The following RAI14 variants were observed in gnomAD, a reference collection of about 807,000 sequenced individuals.
RAI14 encodes the protein retinoic acid induced 14, also known as ankycorbin.
In RAI14, 45 loss-of-function variants were observed where a neutral mutation model predicts 115.4. That is an observed-to-expected ratio of 0.39 (90% CI 0.31 to 0.50). The LOEUF is 0.50. Ranked by LOEUF, RAI14 falls within the 20% of genes least tolerant of loss-of-function variation. The pLI is 0.85. For missense variants in RAI14, 939 were observed against 1,131.2 expected (o/e 0.83, Z 2.44); for synonymous variants, 371 against 415.4 (o/e 0.89, Z 1.30).
intron 2 of RAI14, chr5:34,687,461 G>C: frequency 2.1e-6 from 2 of 951,670 alleles, no homozygotes; most frequent in South Asian, 3.0e-5. Context: ...CCAGGGACTC[G>C]TACTCATTTG....
At chr5:34,829,973 G>A (rs1757857372) in intron 17 of RAI14, 176 bp downstream of exon 17, 1 of 556,852 alleles carries the variant, frequency 1.8e-6, no homozygotes, top group Non-Finnish European at 3.1e-6. Context: ...GGAGCCTTGT[G>A]CCCTGTTTAC....
intron 12 of RAI14, among the ~76,000 whole-genome samples, chr5:34,816,421 T>G (rs1231318116): frequency 6.6e-6 from 1 of 152,208 alleles, no homozygotes; most frequent in Middle Eastern, 3.2e-3. Context: ...ATTTTTTTCC[T>G]GACTATAAAA....
intron 13 of RAI14, 26 bp from the exon 14 acceptor site, chr5:34,821,706 T>G (rs1386423978): frequency 3.0e-6 from 4 of 1,315,924 alleles, no homozygotes; most frequent in Non-Finnish European, 4.4e-6. Context: ...TTGTTTTATA[T>G]TTTAAATGGC....
intron 1 of RAI14, among the ~76,000 whole-genome samples, chr5:34,674,897 A>ATT (rs35952675): frequency 4.8e-4 from 63 of 130,368 alleles, no homozygotes; most frequent in Admixed American, 1.4e-3. Context: ...ACTTCATTGG[A>ATT]TTTTTTTTTT....
chr5:34,735,308 A>G (rs1287337408), intron 2 of RAI14, among the ~76,000 whole-genome samples: 1 of 152,214 alleles, frequency 6.6e-6, no homozygotes, highest in Non-Finnish European at 1.5e-5. Flanking sequence ...TCTTGTTTAT[A>G]TATGCAAAAG....
rs35509803 is a variant in RAI14 at position 34,757,578 on chromosome 5, C to T, written c.147C>T (p.His49=). The part of the protein sequence containing the change: ...LGKKGASATK[H]DSEGKTAFHL... ...AGAAGGGGGCCAGTGCCACCAAACA[C>T]GACAGTGAGGGCAAGACCGCGTAAG... is the stretch of plus-strand genomic sequence containing the variant. Residue 49 remains histidine, a synonymous_variant, in exon 3 of 18, where the codon CAC becomes CAT. Transcript: ENST00000265109. 3.3e-5 allele frequency: 54 copies of T among 1,612,990 alleles called. No homozygotes were observed. Among genetic ancestry groups the T allele is most frequent in the African/African-American group, 1.9e-4 (14 of 74,916 alleles).
chr5:34,830,218 A>G (rs1757888350), intron 17 of RAI14, among the ~76,000 whole-genome samples: 1 of 152,090 alleles, frequency 6.6e-6, no homozygotes, highest in Admixed American at 6.5e-5. Context: ...TCCTGAGCTC[A>G]AGCAATCCAC....
chr5:34,802,809 G>C (rs1754434056), intron 4 of RAI14, among the ~76,000 whole-genome samples: 1 of 152,166 alleles, frequency 6.6e-6, no homozygotes, highest in African/African-American at 2.4e-5. Flanking sequence ...GGAGAAATTG[G>C]AATTTGAAAC....
intron 1 of RAI14, among the ~76,000 whole-genome samples, chr5:34,668,796 C>T (rs967478831): frequency 1.3e-5 from 2 of 152,126 alleles, no homozygotes; most frequent in African/African-American, 4.8e-5. Flanking sequence ...AAACTCATGT[C>T]TGCCGCTAAC....
At chr5:34,751,090 A>G (rs1206884351) in intron 2 of RAI14, among the ~76,000 whole-genome samples, 1 of 149,970 alleles carries the variant, frequency 6.7e-6, no homozygotes, top group Non-Finnish European at 1.5e-5. Context: ...AACTCAGGTG[A>G]TCCGCCTGCC....
chr5:34,769,543 A>C (rs966864694), intron 3 of RAI14, among the ~76,000 whole-genome samples: 1 of 152,190 alleles, frequency 6.6e-6, no homozygotes, highest in African/African-American at 2.4e-5. Context: ...TAGATATTGC[A>C]GCAAATGAGT....
At position 34,660,579 on chromosome 5, in the gene RAI14, C is replaced by T. The variant is rs116088044; in HGVS notation, c.-49+4104C>T. 5.6e-3 allele frequency among the ~76,000 whole-genome samples: 859 copies of T among 152,294 alleles called. 5 individuals are homozygous for T. Among genetic ancestry groups the T allele is most frequent in the African/African-American group, 0.02 (823 of 41,562 alleles). On this transcript the variant is annotated intron_variant, in intron 1 of 17. Transcript: ENST00000265109. ...TGTGACCTTGGATTACTCACCCAAC[C>T]TCCTCTTCCTCATTTCTTTGGTAAG...
At chr5:34,751,631 T>C (rs1453105152) in intron 2 of RAI14, among the ~76,000 whole-genome samples, 3 of 152,230 alleles carry the variant, frequency 2.0e-5, no homozygotes, top group Non-Finnish European at 2.9e-5. Context: ...TTCATTGCTG[T>C]GTGTTATTCT....
chr5:34,715,467 T>C (rs943641812), intron 2 of RAI14, among the ~76,000 whole-genome samples: 3 of 152,160 alleles, frequency 2.0e-5, no homozygotes, highest in African/African-American at 7.2e-5. Flanking sequence ...TTCTTTTTAC[T>C]AGTCATGTGA....
chr5:34,790,916 A>G (rs1752851966), intron 3 of RAI14, among the ~76,000 whole-genome samples: 1 of 152,086 alleles, frequency 6.6e-6, no homozygotes, highest in African/African-American at 2.4e-5. Flanking sequence ...ATTCTAGCAT[A>G]TACTTCAATG....
chr5:34,668,945 C>T (rs1357328154), intron 1 of RAI14, among the ~76,000 whole-genome samples: 1 of 152,200 alleles, frequency 6.6e-6, no homozygotes, highest in Non-Finnish European at 1.5e-5. Context: ...CAACCTCTGC[C>T]TCTCAGGTTT....
chr5:34,721,332 T>C (rs1742726571), intron 2 of RAI14, among the ~76,000 whole-genome samples: 1 of 148,404 alleles, frequency 6.7e-6, no homozygotes, highest in South Asian at 2.1e-4. Flanking sequence ...TATAGATGTG[T>C]ATGTATGTAT....
intron 3 of RAI14, among the ~76,000 whole-genome samples, chr5:34,789,259 A>G (rs966274056): frequency 6.6e-6 from 1 of 152,212 alleles, no homozygotes; most frequent in Non-Finnish European, 1.5e-5. Flanking sequence ...TGCATACATA[A>G]GAAGGGAAAT....
At chr5:34,783,174 A>G (rs1751872560) in intron 3 of RAI14, among the ~76,000 whole-genome samples, 1 of 152,256 alleles carries the variant, frequency 6.6e-6, no homozygotes, top group Non-Finnish European at 1.5e-5. Context: ...GATCACTGCT[A>G]TCGCAGCTAC....
Sources: allele counts gnomAD v4.1 joint callset (sites outside exome capture counted in the v4.1 genomes callset), GRCh38; gene constraint gnomAD v4.1.1; transcripts MANE v1.5; gene names NCBI Gene and HGNC (gene_info 2026-07-23, HGNC 2026-07-21).